RHBDD1: variants seen among roughly 807,000 people sequenced by gnomAD.
RHBDD1 encodes rhomboid domain containing 1.
A neutral mutation model predicts 36.3 loss-of-function variants in RHBDD1; 38 were observed. The observed-to-expected ratio is 1.05, with a 90% confidence interval of 0.81 to 1.37. The LOEUF is 1.37. Among genes scored for constraint, RHBDD1 ranks in the 40% most tolerant of loss-of-function variants. RHBDD1 has a pLI of 0.00. For missense variants in RHBDD1, 393 were observed against 377.6 expected (o/e 1.04, Z -0.34); for synonymous variants, 151 against 136.5 (o/e 1.11, Z -0.74).
chr2:226,984,947 G>A (rs1431085624), intron 8 of RHBDD1, among the ~76,000 whole-genome samples: 2 of 150,982 alleles, frequency 1.3e-5, no homozygotes, highest in Non-Finnish European at 3.0e-5. Context: ...GGGGGAGGAG[G>A]GGCAGAAGCA....
At chr2:226,914,870 T>A (rs1948790075) in intron 8 of RHBDD1, among the ~76,000 whole-genome samples, 1 of 152,168 alleles carries the variant, frequency 6.6e-6, no homozygotes, top group Non-Finnish European at 1.5e-5. Flanking sequence ...TATAAACCGA[T>A]ATCTGAAAAA....
At chr2:226,927,592 G>A (rs557563003) in intron 8 of RHBDD1, among the ~76,000 whole-genome samples, 7 of 151,828 alleles carry the variant, frequency 4.6e-5, no homozygotes, top group African/African-American at 1.4e-4. Flanking sequence ...CGTTCCTGCC[G>A]GCAGTATATG....
intron 8 of RHBDD1, among the ~76,000 whole-genome samples, chr2:226,982,515 T>C (rs1183945946): frequency 6.6e-6 from 1 of 152,244 alleles, no homozygotes; most frequent in Non-Finnish European, 1.5e-5. Context: ...ATAGATGTAA[T>C]ACATCTCATA....
At chr2:226,857,874 T>TAA (rs886997422) in intron 3 of RHBDD1, among the ~76,000 whole-genome samples, 9 of 151,300 alleles carry the variant, frequency 5.9e-5, no homozygotes, top group African/African-American at 1.2e-4. Context: ...GTGAATATAC[T>TAA]AAAAAAAAAC....
chr2:226,907,475 C>T (rs1283059845), intron 6 of RHBDD1, among the ~76,000 whole-genome samples: 1 of 152,162 alleles, frequency 6.6e-6, no homozygotes, highest in Non-Finnish European at 1.5e-5. Flanking sequence ...TTTTAGACCT[C>T]TTAATTTTCA....
At chr2:226,862,737 G>T (rs145466754) in intron 3 of RHBDD1, among the ~76,000 whole-genome samples, 67 of 152,308 alleles carry the variant, frequency 4.4e-4, no homozygotes, top group East Asian at 3.1e-3. Flanking sequence ...AATTTATAAA[G>T]AAAAGAGGTC....
At chr2:226,993,074 G>A (rs1958615417) in intron 8 of RHBDD1, among the ~76,000 whole-genome samples, 1 of 152,246 alleles carries the variant, frequency 6.6e-6, no homozygotes, top group Non-Finnish European at 1.5e-5. Context: ...CGAATGCCCT[G>A]CAAATGGGTC....
rs1944161609 is a variant in RHBDD1, at chr2:226,864,603, G to C, written c.-90-1G>C. 1.0e-6 allele frequency: 1 copy of C among 1,004,986 alleles called. No homozygotes were observed. Among genetic ancestry groups the C allele is most frequent in the African/African-American group, 1.6e-5 (1 of 61,876 alleles). 62.3% of individuals were successfully genotyped at this position (1,004,986 alleles called of 1,614,324 possible). On this transcript the variant is annotated splice_acceptor_variant, in intron 3 of 8. Coordinates refer to ENST00000392062, the MANE Select transcript of RHBDD1 (RefSeq NM_001167608.3). LOFTEE classifies it low-confidence loss of function (5UTR_SPLICE). ...TTTTTCACATGCATTTTGTGTTTTA[G>C]GTTCAGCCGTCTGTATATCTCCCCA... is the stretch of plus-strand genomic sequence containing the variant.
At chr2:226,852,962 T>A (rs1942975623) in intron 3 of RHBDD1, among the ~76,000 whole-genome samples, 1 of 148,212 alleles carries the variant, frequency 6.7e-6, no homozygotes, top group Admixed American at 6.8e-5. Flanking sequence ...AGAGATGAGG[T>A]CTTGCTATGT....
intron 5 of RHBDD1, among the ~76,000 whole-genome samples, chr2:226,901,216 T>C (rs2125589692): frequency 6.6e-6 from 1 of 152,326 alleles, no homozygotes; most frequent in East Asian, 1.9e-4. Context: ...TTTTTAAGGC[T>C]GAATAATAAA....
intron 5 of RHBDD1, among the ~76,000 whole-genome samples, chr2:226,891,576 C>T (rs574857190): frequency 6.6e-6 from 1 of 152,310 alleles, no homozygotes; most frequent in South Asian, 2.1e-4. Flanking sequence ...CAGTTTCATT[C>T]TCAGAAGAGT....
At chr2:226,991,288 C>T (rs1405674670) in intron 8 of RHBDD1, among the ~76,000 whole-genome samples, 1 of 152,210 alleles carries the variant, frequency 6.6e-6, no homozygotes, top group Non-Finnish European at 1.5e-5. Context: ...TCAAGCCATT[C>T]ACCTGCCTCA....
intron 5 of RHBDD1, among the ~76,000 whole-genome samples, chr2:226,889,619 A>G (rs1946520760): frequency 6.6e-6 from 1 of 152,228 alleles, no homozygotes; most frequent in Non-Finnish European, 1.5e-5. Context: ...GTGGGTCAAA[A>G]CATATTGTTA....
chr2:226,948,784 T>A (rs189659921), intron 8 of RHBDD1, among the ~76,000 whole-genome samples: 379 of 152,194 alleles, frequency 2.5e-3, no homozygotes, highest in African/African-American at 8.7e-3. Flanking sequence ...TATTGTAAGT[T>A]CTGGCTAGGG....
At chr2:226,942,164 C>A (rs931293373) in intron 8 of RHBDD1, among the ~76,000 whole-genome samples, 1 of 151,818 alleles carries the variant, frequency 6.6e-6, no homozygotes, top group Non-Finnish European at 1.5e-5. Context: ...AAGTCTGTAG[C>A]CTGTCATATA....
At chr2:226,974,570 G>C (rs1323280863) in intron 8 of RHBDD1, among the ~76,000 whole-genome samples, 1 of 152,142 alleles carries the variant, frequency 6.6e-6, no homozygotes, top group African/African-American at 2.4e-5. Flanking sequence ...GACTGTCAAG[G>C]TATTAACTTC....
intron 8 of RHBDD1, among the ~76,000 whole-genome samples, chr2:226,954,727 C>T (rs1026876320): frequency 1.3e-5 from 2 of 151,822 alleles, no homozygotes; most frequent in Non-Finnish European, 2.9e-5. Flanking sequence ...GAAAATAAAT[C>T]GGTATGGTTG....
chr2:226,835,482 C>CT (rs1206133984), upstream of RHBDD1: 1 of 152,284 alleles, frequency 6.6e-6, no homozygotes, highest in Non-Finnish European at 1.5e-5. Context: ...CTCTGGGACT[C>CT]TGCGATAAGC....
intron 5 of RHBDD1, among the ~76,000 whole-genome samples, chr2:226,890,190 TAGAG>T (rs1450084306): frequency 1.3e-5 from 2 of 152,214 alleles, no homozygotes; most frequent in Non-Finnish European, 2.9e-5. Context: ...CTACAGATTT[TAGAG>T]AGCCCTTTAA....
Sources: allele counts gnomAD v4.1 joint callset (sites outside exome capture counted in the v4.1 genomes callset), GRCh38; gene constraint gnomAD v4.1.1; transcripts MANE v1.5; gene names NCBI Gene and HGNC (gene_info 2026-07-23, HGNC 2026-07-21).